Variants in KLC1 observed in about 807,000 individuals in gnomAD.
KLC1 encodes the protein kinesin light chain 1.
KLC1 carries 30 observed loss-of-function variants against 84.2 expected under a neutral mutation model. The ratio of observed to expected loss-of-function variants is 0.36; its 90% CI spans 0.27 to 0.48. The LOEUF is 0.48. Among genes scored for constraint, KLC1 ranks in the 20% least tolerant of loss-of-function variants. KLC1 has a pLI of 0.99. For missense variants in KLC1, 499 were observed against 805.4 expected (o/e 0.62, Z 4.60); for synonymous variants, 289 against 293.3 (o/e 0.99, Z 0.15).
chr14:103,647,821 A>G (rs1050277095), intron 1 of KLC1, among the ~76,000 whole-genome samples: 5 of 147,336 alleles, frequency 3.4e-5, no homozygotes, highest in Non-Finnish European at 7.5e-5. Flanking sequence ...GGTTGCATTG[A>G]GCCGAGATTG....
intron 1 of KLC1, among the ~76,000 whole-genome samples, chr14:103,639,175 T>C (rs1324713126): frequency 6.6e-6 from 1 of 152,202 alleles, no homozygotes; most frequent in African/African-American, 2.4e-5. Context: ...TTCTTTCCTT[T>C]TTTTTGAGAT....
At chr14:103,687,305 G>C (rs780227625) in intron 14 of KLC1, 94 bp downstream of exon 14, 154 of 1,275,172 alleles carry the variant, frequency 1.2e-4, no homozygotes, top group Non-Finnish European at 1.6e-4. Context: ...CAGACTTGAG[G>C]AAAGACACTC....
intron 2 of KLC1, among the ~76,000 whole-genome samples, chr14:103,656,017 G>A (rs927730513): frequency 3.9e-5 from 6 of 152,198 alleles, no homozygotes; most frequent in East Asian, 3.8e-4. Flanking sequence ...CACAGTCATC[G>A]GGGATACTCA....
rs762920881 is a variant in KLC1 at position 103,701,237 on chromosome 14, C to G, written c.*38C>G. 1 of 1,547,908 alleles carries G rather than the reference C, an allele frequency of 6.5e-7. No homozygotes were observed. ...TGGCCCCGCTCCAGGATGGGACTGC[C>G]GAGTGTGGCCCGGAGCTGGCCCGGG... On this transcript the variant is annotated 3_prime_UTR_variant, in exon 17 of 17. Transcript: ENST00000334553.
chr14:103,696,523 T>A, intron 15 of KLC1: 4 of 985,488 alleles, frequency 4.1e-6, no homozygotes, highest in Non-Finnish European at 4.8e-6. Flanking sequence ...TGGAATTTTC[T>A]TGGAGGATGT....
At chr14:103,679,329 TAAGA>T in intron 12 of KLC1, 51 bp from the exon 13 acceptor site, 1 of 1,478,482 alleles carries the variant, frequency 6.8e-7, no homozygotes, top group South Asian at 1.2e-5. Flanking sequence ...CAGAAATACC[TAAGA>T]AAATCTTAAG....
In KLC1 at chr14:103,651,162, A is replaced by G. The variant is rs181369425; in HGVS notation, c.-1-3402A>G. On this transcript the variant is annotated intron_variant, in intron 1 of 16. Transcript: ENST00000334553. ...ATAGCTGGGATTACAGGTGTGCACC[A>G]CCACGCCCGGCTAATTTTTTGTATT... Among the ~76,000 whole-genome samples, 1,482 of 151,862 alleles carry G rather than the reference A, an allele frequency of 9.8e-3. 20 individuals are homozygous for G. The highest frequency in any genetic ancestry group is 0.028 in the East Asian group (145 of 5,110).
chr14:103,639,544 A>G (rs1277633207), intron 1 of KLC1, among the ~76,000 whole-genome samples: 1 of 152,010 alleles, frequency 6.6e-6, no homozygotes, highest in Admixed American at 6.6e-5. Flanking sequence ...CCAGGCTCAA[A>G]CAATCCTCCC....
At chr14:103,697,103 G>GAAA (rs1181574086) in intron 15 of KLC1, 15 of 985,312 alleles carry the variant, frequency 1.5e-5, no homozygotes, top group Middle Eastern at 1.0e-3. Flanking sequence ...AAAGCATTTG[G>GAAA]AATTGCTTAT....
chr14:103,672,316 G>C (rs1380377244), intron 7 of KLC1, among the ~76,000 whole-genome samples: 1 of 152,192 alleles, frequency 6.6e-6, no homozygotes, highest in African/African-American at 2.4e-5. Flanking sequence ...ACTTGTTCAA[G>C]GTACTGAGGG....
chr14:103,675,464 A>G, intron 9 of KLC1, 88 bp from the exon 10 acceptor site: 1 of 1,113,316 alleles, frequency 9.0e-7, no homozygotes, highest in Non-Finnish European at 1.3e-6. Context: ...CCGACTTGAC[A>G]CTCAAAGGAA....
chr14:103,700,911 T>TG (rs1026925148), intron 16 of KLC1, among the ~76,000 whole-genome samples, 184 bp downstream of exon 16: 7 of 151,788 alleles, frequency 4.6e-5, no homozygotes, highest in East Asian at 1.9e-4. Context: ...GGCCACAGAG[T>TG]GGGGGGGTGG....
intron 1 of KLC1, 117 bp from the exon 2 acceptor site, chr14:103,654,447 G>T (rs868323217): frequency 1.4e-6 from 1 of 720,414 alleles, no homozygotes; most frequent in South Asian, 2.2e-5. Context: ...AATTACAAAT[G>T]TGCATATTTA....
chr14:103,642,823 A>G (rs1051751114), intron 1 of KLC1, among the ~76,000 whole-genome samples: 1 of 147,256 alleles, frequency 6.8e-6, no homozygotes, highest in Non-Finnish European at 1.5e-5. Flanking sequence ...GCTGGAGTGC[A>G]GTGGCGTGAT....
intron 15 of KLC1, chr14:103,700,103 C>T (rs965482041): frequency 2.4e-5 from 5 of 210,482 alleles, no homozygotes; most frequent in Admixed American, 1.6e-4. Flanking sequence ...GTTACTCAGG[C>T]GAGTCAGGCC....
At chr14:103,690,454 G>A (rs1052677133) in intron 14 of KLC1, among the ~76,000 whole-genome samples, 4 of 152,196 alleles carry the variant, frequency 2.6e-5, no homozygotes, top group African/African-American at 9.7e-5. Context: ...GGCTGGCTGA[G>A]TATCTGCCAT....
intron 1 of KLC1, among the ~76,000 whole-genome samples, chr14:103,644,208 C>T (rs1358510306): frequency 9.6e-6 from 1 of 104,548 alleles, no homozygotes; most frequent in Admixed American, 1.2e-4. Flanking sequence ...GAGCGAGACT[C>T]TGTCTCAAAA....
chr14:103,688,656 C>G (rs937711783), intron 14 of KLC1, among the ~76,000 whole-genome samples: 10 of 151,640 alleles, frequency 6.6e-5, no homozygotes, highest in African/African-American at 2.0e-4. Flanking sequence ...TGGATGGAGA[C>G]TTCTCTTCAT....
intron 8 of KLC1, 51 bp downstream of exon 8, chr14:103,673,238 A>G (rs1484091262): frequency 4.4e-6 from 7 of 1,573,876 alleles, no homozygotes; most frequent in Non-Finnish European, 6.0e-6. Flanking sequence ...CTTTCGTCCC[A>G]AGTCCAAACA....
Sources: allele counts gnomAD v4.1 joint callset (sites outside exome capture counted in the v4.1 genomes callset), GRCh38; gene constraint gnomAD v4.1.1; transcripts MANE v1.5; gene names NCBI Gene and HGNC (gene_info 2026-07-23, HGNC 2026-07-21).